The following FBXO15 variants were observed in gnomAD, a reference collection of about 807,000 sequenced individuals.
The protein encoded by FBXO15 is F-box protein 15.
FBXO15 carries 30 observed loss-of-function variants against 49.5 expected under a neutral mutation model. That is an observed-to-expected ratio of 0.61 (90% CI 0.45 to 0.82). The LOEUF (loss-of-function observed/expected upper bound fraction) is 0.82. FBXO15 is among the 40% of genes least tolerant of loss of function. The pLI, the probability that FBXO15 is intolerant of heterozygous loss-of-function variation, is 0.00. For synonymous variants in FBXO15, 250 were observed against 232.7 expected, an observed-to-expected ratio of 1.07 and a Z score of -0.68; for missense variants, 591 against 631.5, an observed-to-expected ratio of 0.94 and a Z score of 0.69.
At chr18:74,081,221 C>A (rs987815295) in intron 9 of FBXO15, among the ~76,000 whole-genome samples, 1 of 152,128 alleles carries the variant, frequency 6.6e-6, no homozygotes, top group Non-Finnish European at 1.5e-5. Flanking sequence ...TGCATAGCGC[C>A]GTATAAAGCC....
At chr18:74,116,998 G>T (rs1943942) in intron 8 of FBXO15, among the ~76,000 whole-genome samples, 13,311 of 152,098 alleles carry the variant, frequency 0.088, 823 homozygotes, top group Admixed American at 0.2. Context: ...AGGGAGAAAG[G>T]CTTTTTTAAA....
intron 1 of FBXO15, among the ~76,000 whole-genome samples, chr18:74,146,185 A>G (rs770181530): frequency 6.6e-6 from 1 of 152,260 alleles, no homozygotes; most frequent in Non-Finnish European, 1.5e-5. Context: ...GCTTTCTGCT[A>G]CACTTCTTAC....
intron 9 of FBXO15, chr18:74,076,498 G>C (rs527737786): frequency 3.6e-4 from 55 of 152,514 alleles, no homozygotes; most frequent in African/African-American, 1.3e-3. Context: ...CCATCTGCTG[G>C]TGCTTTGACC....
At chr18:74,118,636 T>C (rs191074427) in intron 8 of FBXO15, among the ~76,000 whole-genome samples, 1 of 152,264 alleles carries the variant, frequency 6.6e-6, no homozygotes, top group East Asian at 1.9e-4. Context: ...GAAAGTAATA[T>C]AATTAGTGTC....
At chr18:74,086,712 C>T (rs909640685) in intron 8 of FBXO15, among the ~76,000 whole-genome samples, 9 of 152,146 alleles carry the variant, frequency 5.9e-5, no homozygotes, top group Admixed American at 2.6e-4. Flanking sequence ...GCCCAGCCAG[C>T]ACTGAATAGT....
rs763615708 is a variant in FBXO15, at chr18:74,124,575, A to T, written c.913-4T>A. 2 of 1,613,532 alleles carry T rather than the reference A, an allele frequency of 1.2e-6. No homozygotes were observed. Among genetic ancestry groups the T allele is most frequent in the Non-Finnish European group, 1.7e-6 (2 of 1,179,580 alleles). On this transcript the variant is annotated splice_polypyrimidine_tract_variant and splice_region_variant and intron_variant, in intron 6 of 9. Transcript: ENST00000419743. Reference sequence around the variant, plus strand: ...CAAAAGCCAGTTCTTCCTCCTTCTGAAAAGTTAATTGAGAAGAATACATAT... The same window carrying T: ...CAAAAGCCAGTTCTTCCTCCTTCTGTAAAGTTAATTGAGAAGAATACATAT...
In FBXO15 at chr18:74,074,717, C is replaced by T. The variant is rs939165387; in HGVS notation, c.1264-987G>A. On this transcript the variant is annotated intron_variant, in intron 9 of 9. Transcript: ENST00000419743. This position sits in a 1 kb window ranked among gnomAD's most constrained non-coding sequence, Gnocchi z 4.7. Reference sequence around the variant, plus strand: ...AAAATAAAATGAAAAAGAACATAGTCGGCATGCATTACATACACTAAGCAT... The same window carrying T: ...AAAATAAAATGAAAAAGAACATAGTTGGCATGCATTACATACACTAAGCAT... 5.3e-5 allele frequency among the ~76,000 whole-genome samples: 8 copies of T among 152,304 alleles called. No homozygotes were observed. Among genetic ancestry groups the T allele is most frequent in the African/African-American group, 1.7e-4 (7 of 41,566 alleles).
intron 8 of FBXO15, among the ~76,000 whole-genome samples, chr18:74,118,379 G>A (rs547397147): frequency 2.2e-5 from 3 of 139,480 alleles, no homozygotes; most frequent in Admixed American, 1.4e-4. Flanking sequence ...TCCCCTTGAC[G>A]ATTTTATGAC....
chr18:74,147,681 G>A lies in FBXO15; in HGVS notation c.105C>T (p.Ala35=), dbSNP rs1358380082. ...GGCCCTACAGTCACCTGCACCCAAA[G>A]GCCCTGGCGCGCCCCCGGGCCGCGC... ...GGGAARGRAR[A]FGCRKGPGVK... is the part of the protein sequence containing the mutation. The change falls in exon 1 of 10, where the codon GCC becomes GCT. Residue 35 remains alanine, a synonymous_variant. Coordinates refer to ENST00000419743, the MANE Select transcript of FBXO15 (RefSeq NM_001142958.2). 5 of 1,489,232 alleles carry A rather than the reference G, an allele frequency of 3.4e-6. No homozygotes were observed. The East Asian group carries it at 7.9e-5, about 23-fold the overall frequency. 92.3% of individuals were successfully genotyped at this position (1,489,232 alleles called of 1,614,324 possible).
chr18:74,132,662 C>T (rs554423233), intron 3 of FBXO15, among the ~76,000 whole-genome samples: 1 of 152,154 alleles, frequency 6.6e-6, no homozygotes, highest in Non-Finnish European at 1.5e-5. Flanking sequence ...ACTTCTTGAT[C>T]CCCAAATGCT....
Position 74,144,125 on chromosome 18 carries a change from C to T in FBXO15, c.116+3545G>A, listed in dbSNP as rs181421148. 3.5e-4 allele frequency among the ~76,000 whole-genome samples: 54 copies of T among 152,282 alleles called. No individual in the cohort carries two copies. The East Asian group carries it at 9.1e-3, about 26-fold the overall frequency. On this transcript the variant is annotated intron_variant, in intron 1 of 9. Transcript: ENST00000419743. ...TACTAGGTTGGTGCTAAAGTAATTG[C>T]GGCTTTTGCCATTACTTTCAGTAAC... is the stretch of plus-strand genomic sequence containing the variant.
chr18:74,144,208 TAAGAGG>T (rs1377453251), intron 1 of FBXO15, among the ~76,000 whole-genome samples: 8 of 152,180 alleles, frequency 5.3e-5, no homozygotes. Flanking sequence ...TCTATTTCTC[TAAGAGG>T]AAAAGTAAAT....
chr18:74,091,858 T>C (rs1437621906), intron 8 of FBXO15, among the ~76,000 whole-genome samples: 2 of 152,166 alleles, frequency 1.3e-5, no homozygotes, highest in African/African-American at 2.4e-5. Context: ...ACTACATGTC[T>C]TGGGGATGGT....
At chr18:74,126,173 T>C (rs1914703706) in intron 5 of FBXO15, 72 bp from the exon 6 acceptor site, 4 of 1,579,436 alleles carry the variant, frequency 2.5e-6, no homozygotes, top group African/African-American at 1.3e-5. Context: ...CAATTCTCTT[T>C]AGTGTATCAC....
At chr18:74,076,020 T>C (rs1018267145) in intron 9 of FBXO15, among the ~76,000 whole-genome samples, 5 of 152,216 alleles carry the variant, frequency 3.3e-5, no homozygotes, top group African/African-American at 1.2e-4. Flanking sequence ...CCAGCAGGAC[T>C]ATGCCCAAAC....
Position 74,123,583 on chromosome 18 carries a change from T to C in FBXO15, c.996-73A>G, listed in dbSNP as rs949025404. On this transcript the variant is annotated intron_variant, in intron 7 of 9. Coordinates refer to ENST00000419743, the MANE Select transcript of FBXO15 (RefSeq NM_001142958.2). The stretch of plus-strand genomic sequence containing the variant: ...TAAAATTCTTGGTTTGAAAATACTT[T>C]TTAAAAAATTACCATCTGTATCAAA... 6.0e-6 allele frequency: 9 copies of C among 1,499,944 alleles called. No homozygotes were observed. In the South Asian group the frequency reaches 9.3e-5, roughly 16 times the overall value. The allele number at this position is 1,499,944 out of a possible 1,614,324, so 92.9% of individuals were successfully genotyped here.
chr18:74,110,562 C>T lies in FBXO15; in HGVS notation c.1138+12806G>A, dbSNP rs542455456. On this transcript the variant is annotated intron_variant, in intron 8 of 9. Coordinates refer to ENST00000419743, the MANE Select transcript of FBXO15 (RefSeq NM_001142958.2). ...ATGGTATATATCTCTCCAACTATAT[C>T]GATAATAACTTTAAACACCAGTGGT... 4.0e-5 allele frequency among the ~76,000 whole-genome samples: 6 copies of T among 151,406 alleles called. 1 individual carries two copies. Among genetic ancestry groups the T allele is most frequent in the African/African-American group, 1.2e-4 (5 of 41,302 alleles).
intron 2 of FBXO15, 46 bp downstream of exon 2, chr18:74,140,156 C>T (rs1599192629): frequency 6.8e-7 from 1 of 1,480,072 alleles, no homozygotes; most frequent in South Asian, 1.2e-5. Context: ...CTAATAACCC[C>T]ATGCCTAGAG....
intron 8 of FBXO15, among the ~76,000 whole-genome samples, chr18:74,115,768 G>T (rs62097023): frequency 0.088 from 13,320 of 152,214 alleles, 820 homozygotes; most frequent in Admixed American, 0.2. Flanking sequence ...AGCTACTCAT[G>T]ACTTTTTCTA....
Sources: allele counts gnomAD v4.1 joint callset (sites outside exome capture counted in the v4.1 genomes callset), GRCh38; gene constraint gnomAD v4.1.1; non-coding constraint Gnocchi (gnomAD v3.1); transcripts MANE v1.5; gene names NCBI Gene and HGNC (gene_info 2026-07-23, HGNC 2026-07-21).